The following WNT10A variants were observed in gnomAD, a reference collection of about 807,000 sequenced individuals.
WNT10A encodes protein Wnt-10a.
In WNT10A, 37 loss-of-function variants were observed where a neutral mutation model predicts 36.1. The ratio of observed to expected loss-of-function variants is 1.02; its 90% CI spans 0.79 to 1.35. The LOEUF is 1.35. Among genes scored for constraint, WNT10A ranks in the 40% most tolerant of loss-of-function variants. WNT10A has a pLI of 0.00. For missense variants in WNT10A, 613 were observed against 601.4 expected (o/e 1.02, Z -0.20); for synonymous variants, 255 against 254.1 (o/e 1.00, Z -0.03).
At position 218,890,150 on chromosome 2, in the gene WNT10A, A is replaced by C; in HGVS notation, c.543A>C (p.Ala181=). ...AGCTGCACCGCTTACAACTGGATGC[A>C]CTGCAGCGTGGTAAGGGCCTGAGCC... is the stretch of plus-strand genomic sequence containing the variant. The part of the protein sequence containing the change: ...RRKLHRLQLD[A]LQRGKGLSHG... Residue 181 remains alanine (A), a synonymous_variant, in exon 3 of 4, where the codon GCA becomes GCC. Transcript: ENST00000258411. 6.2e-7 allele frequency: 1 copy of C among 1,614,182 alleles called. No homozygotes were observed. Among genetic ancestry groups the C allele is most frequent in the Non-Finnish European group, 8.5e-7 (1 of 1,180,022 alleles).
chr2:218,885,955 G>A (rs938163228), intron 2 of WNT10A, among the ~76,000 whole-genome samples: 5 of 152,206 alleles, frequency 3.3e-5, no homozygotes, highest in Non-Finnish European at 2.9e-5. Flanking sequence ...CAGTCCCCAT[G>A]TGGTAGGTCC....
At position 218,893,044 on chromosome 2, in the gene WNT10A, C is replaced by T. The variant is rs1944675250; in HGVS notation, c.1027C>T (p.Pro343Ser). 3 of 1,596,108 alleles carry T rather than the reference C, an allele frequency of 1.9e-6. No individual in the cohort carries two copies. Among genetic ancestry groups the T allele is most frequent in the Non-Finnish European group, 1.7e-6 (2 of 1,179,050 alleles). ...PADLVYFEKS[P>S]DFCEREPRLD... ...CGACCTGGTCTACTTCGAAAAGTCT[C>T]CCGACTTCTGCGAGCGCGAGCCGCG... Residue 343 changes from proline to serine, a missense_variant, in exon 4 of 4, where the codon CCC becomes TCC. Physicochemically the swap from Pro to Ser is moderately conservative, Grantham distance 74. Transcript: ENST00000258411. The surrounding 1 kb of genome is among the most constrained non-coding windows in gnomAD (Gnocchi z 6.3).
In WNT10A at chr2:218,890,274, C is replaced by CG. The variant is rs1559415036; in HGVS notation, c.668dup (p.Phe224LeufsTer3). On this transcript the variant is annotated frameshift_variant, in exon 3 of 4. Coordinates refer to ENST00000258411, the MANE Select transcript of WNT10A (RefSeq NM_025216.3). LOFTEE classifies it high-confidence loss of function. ...CAGCCCCGACATGGGCTTCGGGGAGCGCTTTTCTAAGGACTTTCTGGACTC... is the reference window on the plus strand; with the variant it reads ...CAGCCCCGACATGGGCTTCGGGGAGCGGCTTTTCTAAGGACTTTCTGGACTC... The CG allele has an allele frequency of 6.2e-7, 1 of 1,610,964 alleles. No individual in the cohort carries two copies. The highest frequency in any genetic ancestry group is 2.2e-5 in the East Asian group (1 of 44,876).
rs1458852116 is a variant in WNT10A, at chr2:218,890,161, G to C, written c.554G>C (p.Gly185Ala). 10 of 1,614,182 alleles carry C rather than the reference G, an allele frequency of 6.2e-6. No individual in the cohort carries two copies. The highest frequency in any genetic ancestry group is 7.6e-6 in the Non-Finnish European group (9 of 1,180,014). ...TTACAACTGGATGCACTGCAGCGTG[G>C]TAAGGGCCTGAGCCATGGGGTCCCG... is the stretch of plus-strand genomic sequence containing the variant. ...HRLQLDALQRGKGLSHGVPEH... is the reference protein window; with the variant it reads ...HRLQLDALQRAKGLSHGVPEH... The change falls in exon 3 of 4, where the codon GGT (glycine) becomes GCT (alanine). Residue 185 changes from glycine to alanine, a missense_variant. Gly to Ala is a moderately conservative substitution (Grantham distance 60, BLOSUM62 0). Coordinates refer to ENST00000258411, the MANE Select transcript of WNT10A (RefSeq NM_025216.3).
chr2:218,875,159 C>CTTTTTTTTTTT, the WNT10A span, among the ~76,000 whole-genome samples: 27 of 36,864 alleles, frequency 7.3e-4, 8 homozygotes, highest in Non-Finnish European at 1.2e-3. Flanking sequence ...GACTGACTTT[C>CTTTTTTTTTTT]TTTTTTTTTT....
chr2:218,883,704 G>A (rs966054007), intron 2 of WNT10A: 3 of 151,470 alleles, frequency 2.0e-5, no homozygotes, highest in Non-Finnish European at 4.4e-5. Flanking sequence ...CGCTCTCAGA[G>A]GGCAACCCCC....
Position 218,890,416 on chromosome 2 carries a change from C to T in WNT10A, c.756+53C>T. ...CAAATCTCTTTGCCTAGGGCCTACCCCTTGCCCTGGCCTACCTCTCTTCTG... is the reference window on the plus strand; with the variant it reads ...CAAATCTCTTTGCCTAGGGCCTACCTCTTGCCCTGGCCTACCTCTCTTCTG... On this transcript the variant is annotated intron_variant, in intron 3 of 3. Transcript: ENST00000258411. 3 of 1,597,716 alleles carry T rather than the reference C, an allele frequency of 1.9e-6. No homozygotes were observed. The South Asian group carries it at 3.3e-5, about 18-fold the overall frequency.
chr2:218,887,063 G>T (rs1944587481), intron 2 of WNT10A, among the ~76,000 whole-genome samples: 1 of 152,146 alleles, frequency 6.6e-6, no homozygotes. Context: ...CTCTTTCCTG[G>T]TGCCATGCAC....
chr2:218,881,917 G>A (rs1944521223), intron 1 of WNT10A, among the ~76,000 whole-genome samples: 1 of 152,206 alleles, frequency 6.6e-6, no homozygotes, highest in African/African-American at 2.4e-5. Context: ...CATGGTGGAT[G>A]TGTGTGCATT....
chr2:218,876,403 C>T (rs1265310535), upstream of WNT10A, among the ~76,000 whole-genome samples: 1 of 152,160 alleles, frequency 6.6e-6, no homozygotes. Flanking sequence ...CCCTGTCCTT[C>T]CCCCGCAATG....
chr2:218,887,371 A>G (rs138277558), intron 2 of WNT10A, among the ~76,000 whole-genome samples: 1 of 152,246 alleles, frequency 6.6e-6, no homozygotes, highest in East Asian at 1.9e-4. Flanking sequence ...CCCGGCAATA[A>G]GAGAAATGCT....
chr2:218,877,470 G>A (rs770248871), upstream of WNT10A, among the ~76,000 whole-genome samples: 5 of 152,174 alleles, frequency 3.3e-5, no homozygotes, highest in Non-Finnish European at 5.9e-5. The surrounding 1 kb of genome is among the most constrained non-coding windows in gnomAD (Gnocchi z 4.1). Context: ...GGAAGGGGCC[G>A]GAAGTAGAGT....
chr2:218,892,223 T>C (rs1051400469), intron 3 of WNT10A, among the ~76,000 whole-genome samples: 4 of 151,422 alleles, frequency 2.6e-5, no homozygotes, highest in African/African-American at 9.7e-5. Flanking sequence ...CAAAGAGATG[T>C]AGGGGGAGCT....
intron 2 of WNT10A, among the ~76,000 whole-genome samples, chr2:218,882,772 C>A (rs1348949156): frequency 2.6e-5 from 4 of 152,184 alleles, no homozygotes; most frequent in Non-Finnish European, 5.9e-5. Context: ...TAGTAAACCA[C>A]ATTTAGGATG....
At chr2:218,874,965 T>C in the WNT10A span, among the ~76,000 whole-genome samples, 3 of 152,054 alleles carry the variant, frequency 2.0e-5, no homozygotes, top group Non-Finnish European at 4.4e-5. Flanking sequence ...AGCAGAACCA[T>C]TGGCTTGGGT....
intron 3 of WNT10A, among the ~76,000 whole-genome samples, chr2:218,891,095 A>G (rs190133574): frequency 1.6e-4 from 24 of 152,318 alleles, no homozygotes; most frequent in Admixed American, 2.6e-4. Context: ...ACAACTACCT[A>G]TGAAGTGGGC....
At chr2:218,886,639 C>G (rs527509773) in intron 2 of WNT10A, among the ~76,000 whole-genome samples, 9 of 145,174 alleles carry the variant, frequency 6.2e-5, no homozygotes, top group Admixed American at 3.4e-4. Context: ...CCCACCCCCC[C>G]ACCGCTGCCT....
At chr2:218,876,036 T>C (rs930709458), upstream of WNT10A, among the ~76,000 whole-genome samples, 6 of 152,194 alleles carry the variant, frequency 3.9e-5, no homozygotes, top group Non-Finnish European at 8.8e-5. Context: ...TCTGCATCTA[T>C]TGTTTCTGCT....
At chr2:218,887,978 G>A (rs1944597744) in intron 2 of WNT10A, among the ~76,000 whole-genome samples, 2 of 152,258 alleles carry the variant, frequency 1.3e-5, no homozygotes, top group South Asian at 2.1e-4. Flanking sequence ...GTAAGTGGAA[G>A]AGCCAAGATT....
Sources: allele counts gnomAD v4.1 joint callset (sites outside exome capture counted in the v4.1 genomes callset), GRCh38; gene constraint gnomAD v4.1.1; non-coding constraint Gnocchi (gnomAD v3.1); transcripts MANE v1.5; gene names NCBI Gene and HGNC (gene_info 2026-07-23, HGNC 2026-07-21).